Variants in EHBP1 observed in about 807,000 individuals in gnomAD.
EHBP1 encodes the protein EH domain-binding protein 1.
EHBP1 carries 55 observed loss-of-function variants against 144.0 expected under a neutral mutation model. The observed-to-expected ratio is 0.38, with a 90% CI of 0.31 to 0.48. The LOEUF (loss-of-function observed/expected upper bound fraction) is 0.48. Among genes scored for constraint, EHBP1 ranks in the 20% least tolerant of loss-of-function variants. The probability of loss-of-function intolerance (pLI) is 0.98; values close to 1 mark genes in which losing one functional copy is unlikely to be tolerated. For synonymous variants in EHBP1, 469 were observed against 472.7 expected (o/e 0.99, Z 0.10); for missense variants, 1,200 against 1,364.2 (o/e 0.88, Z 1.90).
intron 3 of EHBP1, among the ~76,000 whole-genome samples, chr2:62,758,656 A>C (rs184293579): frequency 6.6e-6 from 1 of 152,366 alleles, no homozygotes; most frequent in East Asian, 1.9e-4. Context: ...TTATCTTATT[A>C]GAAATTTAGG....
At chr2:62,901,544 T>C (rs1470383188) in intron 10 of EHBP1, among the ~76,000 whole-genome samples, 3 of 151,640 alleles carry the variant, frequency 2.0e-5, no homozygotes, top group Non-Finnish European at 4.4e-5. Flanking sequence ...TGCTATTTTA[T>C]AGAGGAAACA....
chr2:62,759,633 G>C (rs1348946824), intron 3 of EHBP1, among the ~76,000 whole-genome samples: 1 of 152,068 alleles, frequency 6.6e-6, no homozygotes, highest in Non-Finnish European at 1.5e-5. Context: ...TCAAACTCCT[G>C]ACCTCAAGTG....
chr2:62,812,283 C>CA (rs199629035), intron 5 of EHBP1, among the ~76,000 whole-genome samples: 214 of 148,936 alleles, frequency 1.4e-3, no homozygotes, highest in African/African-American at 1.9e-3. Flanking sequence ...GTTACAGCAG[C>CA]AAAAAAAAAT....
intron 1 of EHBP1, among the ~76,000 whole-genome samples, chr2:62,678,049 G>A (rs1444844017): frequency 6.6e-6 from 1 of 152,058 alleles, no homozygotes; most frequent in Non-Finnish European, 1.5e-5. Context: ...TTTTTTTGAG[G>A]AACCTCCAAA....
chr2:62,701,216 A>G (rs2034271858), upstream of EHBP1, among the ~76,000 whole-genome samples: 3 of 152,232 alleles, frequency 2.0e-5, no homozygotes, highest in Non-Finnish European at 2.9e-5. Flanking sequence ...ACATTTTTCC[A>G]GTAGCTGCAT....
chr2:62,993,760 C>T (rs553924080), intron 17 of EHBP1, 92 bp downstream of exon 17: 4 of 682,038 alleles, frequency 5.9e-6, no homozygotes, highest in Non-Finnish European at 6.2e-6. Context: ...ATATATATAG[C>T]ATATATATAT....
At chr2:62,750,098 A>G (rs946329128) in intron 3 of EHBP1, among the ~76,000 whole-genome samples, 2 of 152,128 alleles carry the variant, frequency 1.3e-5, no homozygotes, top group African/African-American at 4.8e-5. Context: ...GTTTTCTTCT[A>G]GGGTTTTTAT....
intron 3 of EHBP1, among the ~76,000 whole-genome samples, chr2:62,749,526 G>A (rs1250628770): frequency 6.6e-6 from 1 of 152,204 alleles, no homozygotes; most frequent in East Asian, 1.9e-4. Context: ...GGGTCAAATG[G>A]TATTTCTAGT....
intron 19 of EHBP1, among the ~76,000 whole-genome samples, chr2:63,030,496 CT>C (rs973949080): frequency 2.7e-5 from 4 of 149,348 alleles, no homozygotes; most frequent in African/African-American, 4.9e-5. Context: ...CATTTTTTTT[CT>C]TTTTTTTTGA....
At chr2:62,982,004 G>A (rs2058993764) in intron 15 of EHBP1, among the ~76,000 whole-genome samples, 1 of 152,136 alleles carries the variant, frequency 6.6e-6, no homozygotes, top group Non-Finnish European at 1.5e-5. Context: ...TAAGACAAAT[G>A]ACGCAGGCCT....
chr2:62,863,594 GA>G (rs1466434637), intron 8 of EHBP1, among the ~76,000 whole-genome samples: 2 of 151,840 alleles, frequency 1.3e-5, no homozygotes, highest in East Asian at 1.9e-4. Context: ...AAGTTACATT[GA>G]AAAAATAATC....
chr2:62,800,096 T>C (rs569322203), intron 5 of EHBP1, among the ~76,000 whole-genome samples: 139 of 152,348 alleles, frequency 9.1e-4, no homozygotes, highest in African/African-American at 3.3e-3. Flanking sequence ...CAGCCCATAA[T>C]TGGGTCTTTC....
chr2:62,994,537 T>C (rs542876230), intron 18 of EHBP1, among the ~76,000 whole-genome samples: 2 of 152,074 alleles, frequency 1.3e-5, no homozygotes, highest in Non-Finnish European at 2.9e-5. Context: ...AGGGAAATAT[T>C]TGATAGACCG....
intron 10 of EHBP1, among the ~76,000 whole-genome samples, chr2:62,940,537 G>A (rs1200364510): frequency 6.6e-6 from 1 of 152,168 alleles, no homozygotes; most frequent in African/African-American, 2.4e-5. Context: ...AGAGCCAGCT[G>A]TAACAACAAA....
chr2:62,962,218 C>T (rs1052313581), intron 14 of EHBP1, among the ~76,000 whole-genome samples: 6 of 151,876 alleles, frequency 4.0e-5, no homozygotes, highest in African/African-American at 1.2e-4. Flanking sequence ...CCCAGCTACT[C>T]GGGAGGCTGA....
intron 9 of EHBP1, among the ~76,000 whole-genome samples, chr2:62,870,083 G>A (rs192919414): frequency 6.6e-6 from 1 of 152,254 alleles, no homozygotes; most frequent in Admixed American, 6.5e-5. Flanking sequence ...TAAAAATGCA[G>A]GTTGAAAGGA....
At chr2:62,774,104 C>T (rs947717290) in intron 5 of EHBP1, among the ~76,000 whole-genome samples, 2 of 151,432 alleles carry the variant, frequency 1.3e-5, no homozygotes, top group Non-Finnish European at 2.9e-5. Context: ...GGCATAGTCT[C>T]TCACACCTGT....
At chr2:62,684,592 G>A (rs2151735344) in intron 1 of EHBP1, among the ~76,000 whole-genome samples, 1 of 152,306 alleles carries the variant, frequency 6.6e-6, no homozygotes, top group South Asian at 2.1e-4. Context: ...TGTTCCTTGG[G>A]GCAACCCCTT....
intron 14 of EHBP1, among the ~76,000 whole-genome samples, chr2:62,978,672 C>A (rs1306369000): frequency 6.6e-6 from 1 of 152,096 alleles, no homozygotes; most frequent in Non-Finnish European, 1.5e-5. Flanking sequence ...GTTTTTAAAT[C>A]AAATTATGTA....
Sources: gnomAD v4.1 joint callset for allele counts (sites outside exome capture counted in the v4.1 genomes callset) on GRCh38, gnomAD v4.1.1 for gene constraint, MANE v1.5 for transcripts, NCBI Gene and HGNC (gene_info 2026-07-23, HGNC 2026-07-21) for gene names.